The following EXOC1 variants were observed in gnomAD, a reference collection of about 807,000 sequenced individuals.
EXOC1 encodes exocyst complex component 1, also known as SEC3-like 1.
Under a neutral mutation model 107.7 loss-of-function variants are expected in EXOC1, and 67 were observed. That is an observed-to-expected ratio of 0.62 (90% CI 0.51 to 0.76). EXOC1 has a LOEUF of 0.76. Among genes scored for constraint, EXOC1 ranks in the 30% least tolerant of loss-of-function variants. The probability of loss-of-function intolerance (pLI) is 0.00; values close to 1 mark genes in which losing one functional copy is unlikely to be tolerated. For missense variants in EXOC1, 833 were observed against 1,055.7 expected (o/e 0.79, Z 2.92); for synonymous variants, 348 against 353.5 (o/e 0.98, Z 0.17).
chr4:55,876,511 A>T (rs956916176), intron 8 of EXOC1: 66 of 847,380 alleles, frequency 7.8e-5, no homozygotes, highest in Non-Finnish European at 9.1e-5. Flanking sequence ...TACCATCAAA[A>T]TTGTTTTGGT....
chr4:55,878,303 T>C (rs566299147), intron 9 of EXOC1, among the ~76,000 whole-genome samples: 3 of 152,322 alleles, frequency 2.0e-5, no homozygotes, highest in African/African-American at 7.2e-5. Context: ...AAAGCATCAA[T>C]TTAGTTAAAT....
At chr4:55,876,805 G>A (rs1257301399) in intron 8 of EXOC1, 1 of 983,766 alleles carries the variant, frequency 1.0e-6, no homozygotes, top group Non-Finnish European at 1.2e-6. Flanking sequence ...TCTGTATAAT[G>A]GGTCCTTTTT....
chr4:55,883,324 T>C (rs1560348846), intron 9 of EXOC1: 2 of 152,200 alleles, frequency 1.3e-5, no homozygotes, highest in African/African-American at 4.8e-5. Context: ...GACCCTGTTA[T>C]TCCATCCTTA....
At chr4:55,892,408 C>G (rs1473837699) in intron 13 of EXOC1, among the ~76,000 whole-genome samples, 1 of 152,128 alleles carries the variant, frequency 6.6e-6, no homozygotes, top group African/African-American at 2.4e-5. Flanking sequence ...AATACAACTT[C>G]TCACCCCACA....
chr4:55,901,837 A>G (rs1725962856), intron 17 of EXOC1, among the ~76,000 whole-genome samples: 1 of 152,170 alleles, frequency 6.6e-6, no homozygotes, highest in South Asian at 2.1e-4. Context: ...ACTTAAAGTT[A>G]TGCTCTTCAA....
chr4:55,899,394 G>T (rs1725623633), intron 16 of EXOC1, among the ~76,000 whole-genome samples: 1 of 151,996 alleles, frequency 6.6e-6, no homozygotes. Flanking sequence ...ATATTAAAAT[G>T]GTCCAGCCGG....
At chr4:55,857,844 A>G (rs1321813745) in intron 1 of EXOC1, among the ~76,000 whole-genome samples, 1 of 152,172 alleles carries the variant, frequency 6.6e-6, no homozygotes, top group Non-Finnish European at 1.5e-5. Context: ...CATGGGTGTA[A>G]AGTGGTTGAT....
At chr4:55,885,212 T>C (rs1161155831) in intron 10 of EXOC1, among the ~76,000 whole-genome samples, 1 of 152,182 alleles carries the variant, frequency 6.6e-6, no homozygotes, top group Non-Finnish European at 1.5e-5. Context: ...CCATTTTATT[T>C]TGAGAGAACT....
In EXOC1 at chr4:55,871,243, T is replaced by C; in HGVS notation, c.964+10T>C. ...GTAGCTCTTCGACCAGGTATGTTCA[T>C]TAGAAATGACAAAAATGTGACCAAG... On this transcript the variant is annotated intron_variant, in intron 7 of 18. Transcript: ENST00000381295. 1 of 1,599,436 alleles carries C rather than the reference T, an allele frequency of 6.3e-7. No homozygotes were observed.
At chr4:55,881,501 C>A (rs142175781) in intron 9 of EXOC1, among the ~76,000 whole-genome samples, 4 of 152,066 alleles carry the variant, frequency 2.6e-5, no homozygotes, top group Non-Finnish European at 4.4e-5. Flanking sequence ...GAGGTCCTGA[C>A]GACATGTGCC....
intron 11 of EXOC1, 138 bp downstream of exon 11, chr4:55,889,070 A>ATGT: frequency 2.7e-6 from 2 of 743,992 alleles, no homozygotes; most frequent in Non-Finnish European, 4.7e-6. Context: ...GAAAGCCAAC[A>ATGT]TGATGGTAGT....
intron 1 of EXOC1, among the ~76,000 whole-genome samples, chr4:55,857,363 G>A (rs913330679): frequency 7.9e-5 from 12 of 151,162 alleles, no homozygotes; most frequent in African/African-American, 2.7e-4. Context: ...TGTATTTTTA[G>A]TAGAGACGGG....
At chr4:55,899,920 T>TCAAAAGTA in intron 17 of EXOC1, 36 bp downstream of exon 17, 1 of 1,566,962 alleles carries the variant, frequency 6.4e-7, no homozygotes, top group Non-Finnish European at 8.7e-7. Context: ...TTCCTACTTT[T>TCAAAAGTA]GAACCTATAC....
In EXOC1 at chr4:55,896,778, T is replaced by G; in HGVS notation, c.2015T>G (p.Leu672Arg). The change falls in exon 16 of 19, where the codon CTT becomes CGT. Residue 672 changes from leucine (L) to arginine (R), a missense_variant. Around this residue, in one of 2 missense-constraint regions of EXOC1, gnomAD observed 216 missense variants for 354.4 expected, o/e 0.61. Coordinates refer to ENST00000381295, the MANE Select transcript of EXOC1 (RefSeq NM_001024924.2). ...KISKKSKVGI[L>R]PFVAEFEEFA... ...TCAAAAAAGAGTAAAGTTGGAATTC[T>G]TCCATTTGTTGCTGAATTTGAAGAA... 1 of 1,611,422 alleles carries G rather than the reference T, an allele frequency of 6.2e-7. No homozygotes were observed. The highest frequency in any genetic ancestry group is 8.5e-7 in the Non-Finnish European group (1 of 1,179,296).
chr4:55,894,580 GA>G (rs954447539), intron 15 of EXOC1, among the ~76,000 whole-genome samples: 1 of 137,838 alleles, frequency 7.3e-6, no homozygotes, highest in Non-Finnish European at 1.6e-5. Context: ...CCTCCTAATA[GA>G]AAAAAATTTG....
intron 7 of EXOC1, 84 bp downstream of exon 7, chr4:55,871,317 A>G: frequency 6.7e-7 from 1 of 1,485,896 alleles, no homozygotes; most frequent in Non-Finnish European, 9.1e-7. Flanking sequence ...GACAAGAAAT[A>G]CATGAGACAA....
intron 9 of EXOC1, among the ~76,000 whole-genome samples, chr4:55,878,505 C>T (rs557895718): frequency 4.6e-5 from 7 of 152,242 alleles, no homozygotes; most frequent in South Asian, 4.1e-4. Context: ...TACTCTAATG[C>T]GCTTTAGATC....
intron 9 of EXOC1, among the ~76,000 whole-genome samples, chr4:55,879,295 T>C (rs976268000): frequency 3.9e-5 from 6 of 152,184 alleles, no homozygotes; most frequent in African/African-American, 1.4e-4. Flanking sequence ...CTGAGTGTTC[T>C]AGAGAAAATA....
In EXOC1 at chr4:55,895,862, G is replaced by A. The variant is rs183769412; in HGVS notation, c.1954-855G>A. Among the ~76,000 whole-genome samples the A allele has an allele frequency of 2.0e-4, 31 of 152,310 alleles. No individual in the cohort carries two copies. In the East Asian group the frequency reaches 5.2e-3, roughly 26 times the overall value. On this transcript the variant is annotated intron_variant, in intron 15 of 18. Transcript: ENST00000381295. The stretch of plus-strand genomic sequence containing the variant: ...AAATAATGCAAATCCATATGGAAAT[G>A]CCTATCCTCCCTCTTTGTTTCTGTA...
Sources: allele counts gnomAD v4.1 joint callset (sites outside exome capture counted in the v4.1 genomes callset), GRCh38; gene constraint gnomAD v4.1.1; regional missense constraint gnomAD v4.1.1; transcripts MANE v1.5; gene names NCBI Gene and HGNC (gene_info 2026-07-23, HGNC 2026-07-21).